The following SPTBN1 variants were observed in gnomAD, a reference collection of about 807,000 sequenced individuals.
SPTBN1 encodes the protein spectrin beta chain, non-erythrocytic 1.
Under a neutral mutation model 266.4 loss-of-function variants are expected in SPTBN1, and 32 were observed. The ratio of observed to expected loss-of-function variants is 0.12; its 90% CI spans 0.09 to 0.16. The LOEUF is 0.16. SPTBN1 is among the 10% of genes least tolerant of loss of function. The pLI is 1.00. For synonymous variants in SPTBN1, 1,336 were observed against 1,162.2 expected (o/e 1.15, Z -3.04); for missense variants, 2,296 against 3,067.1 (o/e 0.75, Z 5.94).
In SPTBN1 at chr2:54,628,230, A is replaced by G. The variant is rs201374382; in HGVS notation, c.1778A>G (p.Lys593Arg). Residue 593 changes from lysine (K) to arginine (R), a missense_variant, in exon 13 of 36, where the codon AAG becomes AGG. By Grantham distance (26) the Lys-to-Arg change is conservative (BLOSUM62 2). Coordinates refer to ENST00000356805, the MANE Select transcript of SPTBN1 (RefSeq NM_003128.3). This position sits in a 1 kb window ranked among gnomAD's most constrained non-coding sequence, Gnocchi z 4.3. Reference protein sequence around the residue: ...RVRGVNASAQKFATDGEGYKP... With the variant: ...RVRGVNASAQRFATDGEGYKP... ...AGAGGTGTCAATGCCTCCGCCCAGA[A>G]GTTCGCAACAGACGGGGAAGGTAAG... 1.9e-6 allele frequency: 3 copies of G among 1,613,378 alleles called. No individual in the cohort carries two copies. The highest frequency in any genetic ancestry group is 2.5e-6 in the Non-Finnish European group (3 of 1,179,760).
At position 54,646,350 on chromosome 2, in the gene SPTBN1, A is replaced by G. The variant is rs1679924390; in HGVS notation, c.4741A>G (p.Thr1581Ala). ...KQLWGLLIEETEKRHRRLEEA... is the reference protein window; with the variant it reads ...KQLWGLLIEEAEKRHRRLEEA... ...GCTGTGGGGTCTCCTCATTGAGGAG[A>G]CAGAGAAACGCCACAGGCGGCTGGA... Residue 1581 changes from threonine to alanine, a missense_variant, in exon 23 of 36, where the codon ACA (threonine) becomes GCA (alanine). Thr to Ala is a moderately conservative substitution (Grantham distance 58). This residue lies in a region of SPTBN1 where 644 missense variants were observed against 745.3 expected (regional missense o/e 0.86). Transcript: ENST00000356805. This position sits in a 1 kb window ranked among gnomAD's most constrained non-coding sequence, Gnocchi z 4.4. 6.2e-7 allele frequency: 1 copy of G among 1,613,994 alleles called. No individual in the cohort carries two copies. The highest frequency in any genetic ancestry group is 8.5e-7 in the Non-Finnish European group (1 of 1,179,932).
At position 54,524,412 on chromosome 2, in the gene SPTBN1, A is replaced by G. The variant is rs148276962; in HGVS notation, c.-47-1960A>G. Among the ~76,000 whole-genome samples the G allele has an allele frequency of 1.6e-3, 241 of 152,276 alleles. 1 individual carries two copies. Among genetic ancestry groups the G allele is most frequent in the African/African-American group, 5.5e-3 (227 of 41,546 alleles). ...TTAACCACACCCATAGGCATCAGGCATAGCACTAGCTCAGTTTCTCAATGT... is the reference window on the plus strand; with the variant it reads ...TTAACCACACCCATAGGCATCAGGCGTAGCACTAGCTCAGTTTCTCAATGT... On this transcript the variant is annotated intron_variant, in intron 1 of 35. Coordinates refer to ENST00000356805, the MANE Select transcript of SPTBN1 (RefSeq NM_003128.3).
At position 54,632,761 on chromosome 2, in the gene SPTBN1, G is replaced by A. The variant is rs1678838734; in HGVS notation, c.3760G>A (p.Asp1254Asn). The change falls in exon 17 of 36, where the codon GAT becomes AAT. Residue 1254 changes from aspartate (D) to asparagine (N), a missense_variant. This residue lies in a region of SPTBN1 where 386 missense variants were observed against 486.1 expected (regional missense o/e 0.79). Coordinates refer to ENST00000356805, the MANE Select transcript of SPTBN1 (RefSeq NM_003128.3). ...CATCCAGGAGAAGGTGGACTCTATT[G>A]ATGACAGGTACAGTTTTCTGAGGTT... ...DRIQEKVDSI[D>N]DRHRKNRETA... The A allele has an allele frequency of 6.2e-7, 1 of 1,614,120 alleles. No individual in the cohort carries two copies. Among genetic ancestry groups the A allele is most frequent in the Admixed American group, 1.7e-5 (1 of 60,018 alleles).
In SPTBN1 at chr2:54,653,866, G is replaced by C. The variant is rs375939494; in HGVS notation, c.5822+13G>C. Reference sequence around the variant, plus strand: ...AGGAGAAGCCAAGGTAACGCTTTCAGCCCAAAGGAAATTGGACTTATTGGC... The same window carrying C: ...AGGAGAAGCCAAGGTAACGCTTTCACCCCAAAGGAAATTGGACTTATTGGC... On this transcript the variant is annotated intron_variant, in intron 27 of 35. Coordinates refer to ENST00000356805, the MANE Select transcript of SPTBN1 (RefSeq NM_003128.3). This position sits in a 1 kb window ranked among gnomAD's most constrained non-coding sequence, Gnocchi z 5.1. 2.3e-4 allele frequency: 373 copies of C among 1,601,568 alleles called. No homozygotes were observed. Among genetic ancestry groups the C allele is most frequent in the Non-Finnish European group, 3.1e-4 (365 of 1,177,052 alleles).
intron 1 of SPTBN1, among the ~76,000 whole-genome samples, chr2:54,483,946 G>A (rs963375962): frequency 6.6e-6 from 1 of 152,158 alleles, no homozygotes; most frequent in Non-Finnish European, 1.5e-5. Flanking sequence ...TGTAATTCTA[G>A]CACTTTGGGG....
chr2:54,526,252 C>G, intron 1 of SPTBN1, 120 bp from the exon 2 acceptor site: 2 of 766,574 alleles, frequency 2.6e-6, no homozygotes, highest in Non-Finnish European at 4.0e-6. Context: ...CAGCATTGCT[C>G]CAGAAGACCT....
At chr2:54,507,602 G>A (rs12477376) in intron 1 of SPTBN1, among the ~76,000 whole-genome samples, 53,282 of 151,932 alleles carry the variant, frequency 0.35, 9,800 homozygotes, top group East Asian at 0.45. Context: ...ATAAGAGAAG[G>A]AGAAAAACAG....
At position 54,649,782 on chromosome 2, in the gene SPTBN1, C is replaced by A. The variant is rs368617275; in HGVS notation, c.5370C>A (p.Leu1790=). The A allele has an allele frequency of 3.2e-5, 52 of 1,614,186 alleles. No homozygotes were observed. In the African/African-American group the frequency reaches 6.5e-4, roughly 20 times the overall value. The part of the protein sequence containing the change: ...KDGLNEAWAD[L]LELIDTRTQI... ...GCCTCAATGAAGCCTGGGCCGACCT[C>A]CTGGAGCTCATTGACACAAGAACAC... Residue 1790 remains leucine, a synonymous_variant, in exon 26 of 36, where the codon CTC becomes CTA. Transcript: ENST00000356805. The surrounding 1 kb of genome is among the most constrained non-coding windows in gnomAD (Gnocchi z 6.7).
chr2:54,549,917 G>A (rs1208922431), intron 2 of SPTBN1, among the ~76,000 whole-genome samples: 2 of 152,164 alleles, frequency 1.3e-5, no homozygotes, highest in Non-Finnish European at 1.5e-5. Flanking sequence ...ATTTATTGAG[G>A]ATCTGTCTTG....
intron 1 of SPTBN1, among the ~76,000 whole-genome samples, chr2:54,469,501 C>T (rs940235030): frequency 2.6e-5 from 4 of 152,174 alleles, no homozygotes; most frequent in Non-Finnish European, 4.4e-5. Flanking sequence ...TGATGGGAAT[C>T]ATTTTGTTTG....
chr2:54,649,276 A>G lies in SPTBN1; in HGVS notation c.5202+86A>G, dbSNP rs1369139231. 30 of 1,407,678 alleles carry G rather than the reference A, an allele frequency of 2.1e-5. No homozygotes were observed. Among genetic ancestry groups the G allele is most frequent in the South Asian group, 2.8e-5 (2 of 71,204 alleles). The allele number at this position is 1,407,678 out of a possible 1,614,324, so 87.2% of individuals were successfully genotyped here. ...TTGCATTCCTTGTCTGTGAGCAGAT[A>G]AAATGCCCTGGACTCCAATCAGAGG... On this transcript the variant is annotated intron_variant, in intron 25 of 35. Coordinates refer to ENST00000356805, the MANE Select transcript of SPTBN1 (RefSeq NM_003128.3). This position sits in a 1 kb window ranked among gnomAD's most constrained non-coding sequence, Gnocchi z 6.7.
rs766018513 is a variant in SPTBN1 at position 54,631,230 on chromosome 2, C to T, written c.3183C>T (p.Ala1061=). 1 of 1,614,162 alleles carries T rather than the reference C, an allele frequency of 6.2e-7. No individual in the cohort carries two copies. Among genetic ancestry groups the T allele is most frequent in the African/African-American group, 1.3e-5 (1 of 75,054 alleles). The stretch of plus-strand genomic sequence containing the variant: ...ACCGAGAGGCCTCCCTGGGAGAGGC[C>T]AGCAAGCTGCAGCAGTTCCTACGGG... The part of the protein sequence containing the change: ...LKNREASLGE[A]SKLQQFLRDL... The change falls in exon 16 of 36, where the codon GCC becomes GCT. Residue 1061 remains alanine (A), a synonymous_variant. Coordinates refer to ENST00000356805, the MANE Select transcript of SPTBN1 (RefSeq NM_003128.3).
intron 1 of SPTBN1, among the ~76,000 whole-genome samples, chr2:54,465,387 A>G (rs771192717): frequency 7.2e-5 from 11 of 152,148 alleles, no homozygotes; most frequent in Non-Finnish European, 1.5e-4. Flanking sequence ...GTTTGTAACC[A>G]TTAGACCATC....
intron 2 of SPTBN1, among the ~76,000 whole-genome samples, chr2:54,594,829 G>GTTTTTTTTTTTTTT (rs566074908): frequency 2.2e-5 from 1 of 46,386 alleles, no homozygotes; most frequent in African/African-American, 1.7e-4. Context: ...CCTCTGGTAA[G>GTTTTTTTTTTTTTT]TTTCTTTTTT....
chr2:54,659,089 A>G, intron 30 of SPTBN1, 65 bp from the exon 31 acceptor site: 2 of 1,577,228 alleles, frequency 1.3e-6, no homozygotes, highest in East Asian at 2.2e-5. Flanking sequence ...CTGGGTTCCT[A>G]GAACCTTTTT....
chr2:54,548,359 G>A (rs1437241776), intron 2 of SPTBN1, among the ~76,000 whole-genome samples: 1 of 152,194 alleles, frequency 6.6e-6, no homozygotes, highest in Non-Finnish European at 1.5e-5. Flanking sequence ...CATGGAAGCT[G>A]TGCTTGTACC....
At chr2:54,493,209 T>A (rs1331654139) in intron 1 of SPTBN1, among the ~76,000 whole-genome samples, 1 of 151,910 alleles carries the variant, frequency 6.6e-6, no homozygotes, top group African/African-American at 2.4e-5. Context: ...TTTCGCCATG[T>A]TGCCCAGGCT....
chr2:54,649,534 C>T lies in SPTBN1; in HGVS notation c.5203-81C>T. ...GCTACATCTTGCTTAGAGGCAGTTT[C>T]TTTCCAAAGGGTATTCATGTGATCA... On this transcript the variant is annotated intron_variant, in intron 25 of 35. Coordinates refer to ENST00000356805, the MANE Select transcript of SPTBN1 (RefSeq NM_003128.3). The surrounding 1 kb of genome is among the most constrained non-coding windows in gnomAD (Gnocchi z 6.7). The T allele has an allele frequency of 6.5e-7, 1 of 1,528,404 alleles. No homozygotes were observed. The highest frequency in any genetic ancestry group is 2.0e-5 in the Admixed American group (1 of 49,722). The allele number at this position is 1,528,404 out of a possible 1,614,324, so 94.7% of individuals were successfully genotyped here. A position where few individuals can be genotyped will look rare whatever the true frequency, so the allele number is the denominator to read the frequency against.
intron 1 of SPTBN1, among the ~76,000 whole-genome samples, chr2:54,485,197 G>C (rs535855360): frequency 4.7e-5 from 5 of 107,176 alleles, no homozygotes; most frequent in South Asian, 3.1e-4. Context: ...TCTCCCTCTC[G>C]GTCTCCCTCT....
Sources: gnomAD v4.1 joint callset for allele counts (sites outside exome capture counted in the v4.1 genomes callset) on GRCh38, gnomAD v4.1.1 for gene constraint, gnomAD v4.1.1 regional missense constraint, Gnocchi (gnomAD v3.1) non-coding constraint, MANE v1.5 for transcripts, NCBI Gene and HGNC (gene_info 2026-07-23, HGNC 2026-07-21) for gene names.